Variants in TNRC6A observed in about 807,000 individuals in gnomAD.
TNRC6A encodes the protein trinucleotide repeat-containing gene 6A protein.
In TNRC6A, 44 loss-of-function variants were observed where a neutral mutation model predicts 221.2. The observed-to-expected ratio is 0.20, with a 90% CI of 0.16 to 0.26. TNRC6A has a LOEUF of 0.26. Among genes scored for constraint, TNRC6A ranks in the 10% least tolerant of loss-of-function variants. TNRC6A has a pLI of 1.00. For synonymous variants in TNRC6A, 847 were observed against 838.5 expected (o/e 1.01, Z -0.18); for missense variants, 2,199 against 2,404.4 (o/e 0.91, Z 1.79).
intron 2 of TNRC6A, among the ~76,000 whole-genome samples, chr16:24,653,677 G>A (rs973286840): frequency 3.3e-5 from 5 of 151,858 alleles, no homozygotes; most frequent in Non-Finnish European, 5.9e-5. Context: ...CTACTTGGGA[G>A]GCTGAAGCAC....
At chr16:24,708,303 C>T (rs1291614112) in intron 2 of TNRC6A, among the ~76,000 whole-genome samples, 3 of 150,004 alleles carry the variant, frequency 2.0e-5, no homozygotes, top group Non-Finnish European at 3.0e-5. Flanking sequence ...TGCGGTGGCG[C>T]GATGTCAGCT....
intron 20 of TNRC6A, among the ~76,000 whole-genome samples, chr16:24,818,386 G>T (rs1043850029): frequency 2.0e-5 from 3 of 152,188 alleles, no homozygotes; most frequent in Non-Finnish European, 2.9e-5. Flanking sequence ...TGCCTGTGCT[G>T]AGCCAAGGCA....
At chr16:24,786,265 G>T (rs950589934) in intron 5 of TNRC6A, among the ~76,000 whole-genome samples, 2 of 152,000 alleles carry the variant, frequency 1.3e-5, no homozygotes, top group African/African-American at 4.8e-5. Flanking sequence ...ACCTAATATG[G>T]ATCAGATATA....
rs2058097223 is a variant in TNRC6A at position 24,791,405 on chromosome 16, A to T, written c.2763A>T (p.Gly921=). 6.4e-7 allele frequency: 1 copy of T among 1,562,352 alleles called. No homozygotes were observed. The highest frequency in any genetic ancestry group is 1.4e-5 in the African/African-American group (1 of 73,378). ...DESSKPTPSQ[G]WGDPPKSNQS... ...CTTCTAAACCTACTCCTTCCCAGGG[A>T]TGGGGAGACCCTCCAAAGTCTAATC... The change falls in exon 6 of 25, where the codon GGA becomes GGT. Residue 921 remains glycine, a synonymous_variant. Coordinates refer to ENST00000395799, the MANE Select transcript of TNRC6A (RefSeq NM_014494.4).
chr16:24,753,446 C>T (rs556511996), intron 3 of TNRC6A, among the ~76,000 whole-genome samples: 3 of 152,158 alleles, frequency 2.0e-5, no homozygotes, highest in South Asian at 2.1e-4. Context: ...CAGGCTAGGC[C>T]GCTACTGTAA....
intron 2 of TNRC6A, among the ~76,000 whole-genome samples, chr16:24,702,107 CTTT>C (rs201421601): frequency 2.9e-3 from 144 of 50,236 alleles, no homozygotes; most frequent in African/African-American, 0.012. Context: ...TTTCTTTTTT[CTTT>C]TTTTTTTTTT....
intron 21 of TNRC6A, among the ~76,000 whole-genome samples, chr16:24,818,971 C>G (rs1450662365): frequency 1.3e-5 from 2 of 151,498 alleles, no homozygotes; most frequent in Non-Finnish European, 2.9e-5. Context: ...CAAACTAGTT[C>G]TCAGACTATC....
chr16:24,762,608 A>G (rs982835534), intron 4 of TNRC6A, among the ~76,000 whole-genome samples: 1 of 152,204 alleles, frequency 6.6e-6, no homozygotes, highest in African/African-American at 2.4e-5. Context: ...TTAAAAATTG[A>G]TGTGAGAGTA....
intron 17 of TNRC6A, among the ~76,000 whole-genome samples, chr16:24,808,450 C>T (rs991296300): frequency 6.6e-6 from 1 of 152,210 alleles, no homozygotes; most frequent in Non-Finnish European, 1.5e-5. Context: ...GGGTCTGTGG[C>T]TGCTTTCGTG....
At chr16:24,699,811 C>A (rs1016512444) in intron 2 of TNRC6A, among the ~76,000 whole-genome samples, 3 of 151,882 alleles carry the variant, frequency 2.0e-5, no homozygotes, top group Admixed American at 6.6e-5. Context: ...GCCACAGATA[C>A]CATTTCTTTA....
chr16:24,695,320 G>A (rs2055835821), intron 2 of TNRC6A, among the ~76,000 whole-genome samples: 1 of 152,108 alleles, frequency 6.6e-6, no homozygotes, highest in African/African-American at 2.4e-5. Context: ...TGTCAACTAT[G>A]TTTTCCAGCT....
Position 24,789,685 on chromosome 16 carries a change from T to G in TNRC6A, c.1043T>G (p.Val348Gly). 1 of 1,614,190 alleles carries G rather than the reference T, an allele frequency of 6.2e-7. No homozygotes were observed. Among genetic ancestry groups the G allele is most frequent in the Non-Finnish European group, 8.5e-7 (1 of 1,180,050 alleles). ...AATAGAATGAATGCTTGGGGCACTG[T>G]AAGTTCTTCATCAAATGGAGGGTTA... The part of the protein sequence containing the change: ...SNNRMNAWGT[V>G]SSSSNGGLNP... The change falls in exon 6 of 25, where the codon GTA (valine) becomes GGA (glycine). Residue 348 changes from valine (V) to glycine (G), a missense_variant. Physicochemically the swap from Val to Gly is moderately radical, Grantham distance 109 (BLOSUM62 -3). Transcript: ENST00000395799.
chr16:24,662,983 T>G (rs2055066780), intron 2 of TNRC6A: 1 of 153,552 alleles, frequency 6.5e-6, no homozygotes, highest in South Asian at 2.1e-4. Flanking sequence ...GAGCACTGGG[T>G]TTATTTGAAA....
chr16:24,752,303 A>G (rs2057155142), intron 3 of TNRC6A, among the ~76,000 whole-genome samples: 1 of 148,152 alleles, frequency 6.7e-6, no homozygotes, highest in Non-Finnish European at 1.5e-5. Flanking sequence ...AGAGGAGTTA[A>G]TCAGGCTAGG....
intron 3 of TNRC6A, 55 bp from the exon 4 acceptor site, chr16:24,758,284 C>T (rs551296526): frequency 3.9e-6 from 6 of 1,519,218 alleles, no homozygotes; most frequent in Admixed American, 1.7e-5. Context: ...CATAACAGTC[C>T]ATTTCTTTCA....
At chr16:24,713,308 C>G (rs927576841) in intron 2 of TNRC6A, among the ~76,000 whole-genome samples, 1 of 152,006 alleles carries the variant, frequency 6.6e-6, no homozygotes, top group Non-Finnish European at 1.5e-5. Context: ...GTTCCAGCTA[C>G]TCAGACAACT....
chr16:24,806,476 C>T (rs1323598434), intron 16 of TNRC6A, 98 bp from the exon 17 acceptor site: 19 of 1,470,264 alleles, frequency 1.3e-5, no homozygotes, highest in Non-Finnish European at 1.2e-5. Context: ...CACCTTTCTG[C>T]TGAGACGAAA....
chr16:24,813,211 T>C (rs1307635314), intron 18 of TNRC6A, among the ~76,000 whole-genome samples: 2 of 152,140 alleles, frequency 1.3e-5, no homozygotes, highest in African/African-American at 2.4e-5. Context: ...TACAAGTTCA[T>C]GTTTTTATAC....
intron 2 of TNRC6A, among the ~76,000 whole-genome samples, chr16:24,697,030 A>T (rs1168119427): frequency 6.6e-6 from 1 of 152,162 alleles, no homozygotes; most frequent in East Asian, 1.9e-4. Context: ...TTAGTGAGTG[A>T]CTATGGTTCA....
Sources: allele counts gnomAD v4.1 joint callset (sites outside exome capture counted in the v4.1 genomes callset), GRCh38; gene constraint gnomAD v4.1.1; transcripts MANE v1.5; gene names NCBI Gene and HGNC (gene_info 2026-07-23, HGNC 2026-07-21).